The following PLCE1 variants were observed in gnomAD, a reference collection of about 807,000 sequenced individuals.
PLCE1 encodes phospholipase C epsilon 1, also known as 1-phosphatidylinositol 4,5-bisphosphate phosphodiesterase epsilon-1.
Under a neutral mutation model 242.8 loss-of-function variants are expected in PLCE1, and 119 were observed. The ratio of observed to expected loss-of-function variants is 0.49; its 90% CI spans 0.42 to 0.57. The LOEUF (loss-of-function observed/expected upper bound fraction) is 0.57, where lower values mean the gene tolerates loss of function less well. Among genes scored for constraint, PLCE1 ranks in the 20% least tolerant of loss-of-function variants. PLCE1 has a pLI of 0.00. For missense variants in PLCE1, 2,441 were observed against 2,788.8 expected, an observed-to-expected ratio of 0.88 and a Z score of 2.81; for synonymous variants, 945 against 1,017.4, an observed-to-expected ratio of 0.93 and a Z score of 1.35.
At chr10:94,141,608 GAAGGAGAA>G (rs1564727353) in intron 3 of PLCE1, among the ~76,000 whole-genome samples, 119 of 2,834 alleles carry the variant, frequency 0.042, 18 homozygotes, top group African/African-American at 0.1. Flanking sequence ...AAGGCAAAGG[GAAGGAGAA>G]AGGAAGGCAG....
chr10:94,118,702 A>G (rs1007520318), intron 2 of PLCE1, among the ~76,000 whole-genome samples: 38 of 152,204 alleles, frequency 2.5e-4, no homozygotes, highest in Admixed American at 1.0e-3. Context: ...TATAAGTCCA[A>G]TAAACCTCTT....
Position 94,132,396 on chromosome 10 carries a change from T to C in PLCE1, c.1429T>C (p.Leu477=), listed in dbSNP as rs1049650335. 3.1e-6 allele frequency: 5 copies of C among 1,614,024 alleles called. No homozygotes were observed. In the East Asian group the frequency reaches 1.1e-4, roughly 36 times the overall value. ...TGSLLEATTS[L]GARSGLLSTF... ...TTCTCTCCTAGAAGCAACCACGTCT[T>C]TGGGAGCAAGAAGTGGCCTTCTCAG... Residue 477 remains leucine, a synonymous_variant, in exon 3 of 33, where the codon TTG becomes CTG. Transcript: ENST00000371380.
intron 1 of PLCE1, among the ~76,000 whole-genome samples, chr10:93,995,401 A>T (rs1251952881): frequency 6.6e-6 from 1 of 151,690 alleles, no homozygotes; most frequent in East Asian, 1.9e-4. Flanking sequence ...GAAACAGCCA[A>T]CCTCCCCCTG....
intron 20 of PLCE1, among the ~76,000 whole-genome samples, chr10:94,281,017 C>T (rs1564857459): frequency 6.6e-6 from 1 of 152,208 alleles, no homozygotes; most frequent in Non-Finnish European, 1.5e-5. Flanking sequence ...ACCTGAAACC[C>T]CATGAGCTAA....
chr10:94,204,943 A>G (rs984237346), intron 4 of PLCE1, among the ~76,000 whole-genome samples: 1 of 152,240 alleles, frequency 6.6e-6, no homozygotes, highest in African/African-American at 2.4e-5. Flanking sequence ...ATGACTCTCT[A>G]TAAAGATATG....
intron 2 of PLCE1, among the ~76,000 whole-genome samples, chr10:94,065,306 C>T (rs1457688941): frequency 1.3e-5 from 2 of 152,194 alleles, no homozygotes; most frequent in East Asian, 3.8e-4. Flanking sequence ...TCCTTTTCCT[C>T]CCTTTGACCT....
In PLCE1 at chr10:94,329,020, T is replaced by G. The variant is rs1421634771; in HGVS notation, c.*1077T>G. The G allele has an allele frequency of 3.9e-5, 6 of 152,202 alleles. No homozygotes were observed. The highest frequency in any genetic ancestry group is 1.4e-4 in the African/African-American group (6 of 41,448). The allele number at this position is 152,202 out of a possible 1,614,324, so 9.4% of individuals were successfully genotyped here. A position where few individuals can be genotyped will look rare whatever the true frequency, so the allele number is the denominator to read the frequency against. On this transcript the variant is annotated 3_prime_UTR_variant, in exon 33 of 33. Transcript: ENST00000371380. ...TGTACTGACACTATACTTATATATTTATTATACATCGCTCTCTTGATATTG... is the reference window on the plus strand; with the variant it reads ...TGTACTGACACTATACTTATATATTGATTATACATCGCTCTCTTGATATTG...
At chr10:94,069,160 A>G (rs1346479929) in intron 2 of PLCE1, among the ~76,000 whole-genome samples, 1 of 152,250 alleles carries the variant, frequency 6.6e-6, no homozygotes, top group Non-Finnish European at 1.5e-5. Flanking sequence ...CCTCACTACA[A>G]TACATCTTTT....
At chr10:94,209,523 G>T (rs2049267327) in intron 4 of PLCE1, among the ~76,000 whole-genome samples, 2 of 152,050 alleles carry the variant, frequency 1.3e-5, no homozygotes, top group Admixed American at 6.6e-5. Flanking sequence ...TACCTCATGG[G>T]CATAAAAATA....
intron 4 of PLCE1, among the ~76,000 whole-genome samples, chr10:94,193,565 A>C (rs2048732962): frequency 6.6e-6 from 1 of 152,178 alleles, no homozygotes. Flanking sequence ...GGATTTTCTG[A>C]ATGTTCTTGT....
chr10:94,143,528 T>A (rs2047031509), intron 3 of PLCE1, among the ~76,000 whole-genome samples: 1 of 152,222 alleles, frequency 6.6e-6, no homozygotes, highest in Admixed American at 6.5e-5. Context: ...AAAATGCTTA[T>A]AATCTGTTTA....
At chr10:94,279,719 TA>T in intron 19 of PLCE1, 62 bp from the exon 20 acceptor site, 1 of 1,571,194 alleles carries the variant, frequency 6.4e-7, no homozygotes, top group Non-Finnish European at 8.8e-7. Flanking sequence ...GGGGTAGTTT[TA>T]AAGGTTATAA....
chr10:94,267,661 C>T (rs2051565582), intron 16 of PLCE1, among the ~76,000 whole-genome samples: 1 of 152,200 alleles, frequency 6.6e-6, no homozygotes, highest in Non-Finnish European at 1.5e-5. Flanking sequence ...AAAGCCATCT[C>T]ATCTGTTGCC....
chr10:94,028,493 C>T (rs191511329), intron 1 of PLCE1, among the ~76,000 whole-genome samples: 9 of 152,252 alleles, frequency 5.9e-5, no homozygotes, highest in African/African-American at 9.6e-5. Flanking sequence ...GTTCCTTCTA[C>T]CACATTCCAT....
chr10:94,120,157 A>G (rs937206783), intron 2 of PLCE1, among the ~76,000 whole-genome samples: 2 of 152,034 alleles, frequency 1.3e-5, no homozygotes, highest in Non-Finnish European at 2.9e-5. Context: ...AGACTCAACA[A>G]TTCCTCTTCC....
chr10:94,188,693 C>T (rs2048561539), intron 4 of PLCE1, among the ~76,000 whole-genome samples: 1 of 152,218 alleles, frequency 6.6e-6, no homozygotes, highest in Non-Finnish European at 1.5e-5. Flanking sequence ...GCGACCTCCA[C>T]CTCCTGGGTT....
chr10:94,005,520 A>G (rs552228742), intron 1 of PLCE1, among the ~76,000 whole-genome samples: 2 of 152,320 alleles, frequency 1.3e-5, no homozygotes, highest in East Asian at 1.9e-4. Flanking sequence ...CAGCATCTTT[A>G]CCAAGAAATG....
Position 94,069,251 on chromosome 10 carries a change from A to G in PLCE1, c.1206+36999A>G, listed in dbSNP as rs17109737. Among the ~76,000 whole-genome samples the G allele has an allele frequency of 2.0e-3, 309 of 152,352 alleles. 7 individuals carry two copies. The East Asian group carries it at 0.04, about 20-fold the overall frequency. ...TTGTCCCCAAATAAAAAATATGGCA[A>G]GCTGGCAAAATATAGGTTCAATTCA... On this transcript the variant is annotated intron_variant, in intron 2 of 32. Coordinates refer to ENST00000371380, the MANE Select transcript of PLCE1 (RefSeq NM_016341.4).
intron 2 of PLCE1, among the ~76,000 whole-genome samples, chr10:94,112,517 A>C (rs1362439635): frequency 6.6e-6 from 1 of 152,246 alleles, no homozygotes. Flanking sequence ...CATGGCTGGA[A>C]TTCAACAAAT....
Sources: allele counts gnomAD v4.1 joint callset (sites outside exome capture counted in the v4.1 genomes callset), GRCh38; gene constraint gnomAD v4.1.1; transcripts MANE v1.5; gene names NCBI Gene and HGNC (gene_info 2026-07-23, HGNC 2026-07-21).